Variants in ST6GAL1 observed in about 807,000 individuals in gnomAD.
ST6GAL1 encodes ST6 beta-galactoside alpha-2,6-sialyltransferase 1.
Under a neutral mutation model 38.0 loss-of-function variants are expected in ST6GAL1, and 20 were observed. The ratio of observed to expected loss-of-function variants is 0.53; its 90% CI spans 0.37 to 0.77. The LOEUF (loss-of-function observed/expected upper bound fraction) is 0.77. Among genes scored for constraint, ST6GAL1 ranks in the 30% least tolerant of loss-of-function variants. ST6GAL1 has a pLI of 0.00. For missense variants in ST6GAL1, 432 were observed against 496.4 expected, an observed-to-expected ratio of 0.87 and a Z score of 1.23; for synonymous variants, 196 against 188.2, an observed-to-expected ratio of 1.04 and a Z score of -0.34.
At chr3:187,068,454 C>A (rs1055845381) in intron 5 of ST6GAL1, among the ~76,000 whole-genome samples, 2 of 152,026 alleles carry the variant, frequency 1.3e-5, no homozygotes, top group Admixed American at 1.3e-4. Flanking sequence ...CATTTAGCAT[C>A]TCTATTTCTT....
chr3:186,963,045 T>A (rs1162404907), intron 1 of ST6GAL1, among the ~76,000 whole-genome samples: 1 of 152,214 alleles, frequency 6.6e-6, no homozygotes, highest in Non-Finnish European at 1.5e-5. Context: ...CATTTTGTCT[T>A]TTTCATTTAA....
chr3:186,939,063 G>C (rs944375773), intron 1 of ST6GAL1, among the ~76,000 whole-genome samples: 2 of 131,326 alleles, frequency 1.5e-5, no homozygotes, highest in South Asian at 4.6e-4. Context: ...AAGTCAACCT[G>C]GGACCTTTTT....
At chr3:186,947,750 C>T (rs920119375) in intron 1 of ST6GAL1, among the ~76,000 whole-genome samples, 2 of 152,152 alleles carry the variant, frequency 1.3e-5, no homozygotes, top group Non-Finnish European at 2.9e-5. Flanking sequence ...AATAATTGTG[C>T]CACTGCCTAG....
chr3:186,938,604 G>A (rs2108514027), intron 1 of ST6GAL1, among the ~76,000 whole-genome samples: 1 of 152,262 alleles, frequency 6.6e-6, no homozygotes, highest in Non-Finnish European at 1.5e-5. Context: ...GAGGGAAGCA[G>A]AAAGTTAATT....
intron 5 of ST6GAL1, among the ~76,000 whole-genome samples, chr3:187,066,166 T>A (rs1719115446): frequency 6.6e-6 from 1 of 152,312 alleles, no homozygotes; most frequent in African/African-American, 2.4e-5. Flanking sequence ...ACCCCTGCCA[T>A]ACAGTCTATT....
intron 5 of ST6GAL1, chr3:187,072,182 G>T (rs74566461): frequency 0.02 from 3,027 of 153,022 alleles, 41 homozygotes; most frequent in Non-Finnish European, 0.029. Flanking sequence ...AGCCATTGCT[G>T]GTTCCCTCAG....
Position 187,043,188 on chromosome 3 carries a change from C to G in ST6GAL1, c.485C>G (p.Thr162Ser), listed in dbSNP as rs1718187054. The G allele has an allele frequency of 6.2e-7, 1 of 1,614,090 alleles. No individual in the cohort carries two copies. The highest frequency in any genetic ancestry group is 1.3e-5 in the African/African-American group (1 of 74,926). Residue 162 changes from threonine (T) to serine (S), a missense_variant, in exon 4 of 8, where the codon ACC (threonine) becomes AGC (serine). Thr to Ser is a moderately conservative substitution (Grantham distance 58). Coordinates refer to ENST00000169298, the MANE Select transcript of ST6GAL1 (RefSeq NM_173216.2). ...MVEVTDFPFN[T>S]SEWEGYLPKE... ...GAGGTCACAGATTTTCCCTTCAATACCTCTGAATGGGAGGGTTATCTGCCC... is the reference window on the plus strand; with the variant it reads ...GAGGTCACAGATTTTCCCTTCAATAGCTCTGAATGGGAGGGTTATCTGCCC...
At chr3:186,999,857 T>G (rs2377935) in intron 2 of ST6GAL1, among the ~76,000 whole-genome samples, 1 of 83,862 alleles carries the variant, frequency 1.2e-5, no homozygotes, top group South Asian at 2.8e-4. Context: ...TTATTTATAT[T>G]TTTTTTAGAG....
At chr3:186,987,640 G>T (rs991919812) in intron 2 of ST6GAL1, among the ~76,000 whole-genome samples, 1 of 152,162 alleles carries the variant, frequency 6.6e-6, no homozygotes, top group Non-Finnish European at 1.5e-5. Context: ...TGCTGTTGAA[G>T]GTCCTCAAGA....
At chr3:186,958,005 T>G (rs1284335366) in intron 1 of ST6GAL1, among the ~76,000 whole-genome samples, 1 of 151,406 alleles carries the variant, frequency 6.6e-6, no homozygotes, top group Non-Finnish European at 1.5e-5. Context: ...CCACTTCAGG[T>G]TGAAGGAGGA....
Position 187,043,023 on chromosome 3 carries a change from C to G in ST6GAL1, c.320C>G (p.Pro107Arg). The change falls in exon 4 of 8, where the codon CCT becomes CGT. Residue 107 changes from proline (P) to arginine (R), a missense_variant. Pro to Arg is a moderately radical substitution (Grantham distance 103). Transcript: ENST00000169298. ...NKDSSSKNLIPRLQKIWKNYL... is the reference protein window; with the variant it reads ...NKDSSSKNLIRRLQKIWKNYL... ...GACAGCTCTTCCAAAAACCTTATCC[C>G]TAGGCTGCAAAAGATCTGGAAGAAT... 1 of 1,614,156 alleles carries G rather than the reference C, an allele frequency of 6.2e-7. No individual in the cohort carries two copies. Among genetic ancestry groups the G allele is most frequent in the Non-Finnish European group, 8.5e-7 (1 of 1,180,020 alleles).
In ST6GAL1 at chr3:187,071,776, C is replaced by CAAAAAAAAAAA. The variant is rs11330261; in HGVS notation, c.706-1064_706-1054dup. ...GTCGCCTTTTTTTGAGACTCCGCCT[C>CAAAAAAAAAAA]AAAAAAAAAAAAAAAAAAAGAAAAA... On this transcript the variant is annotated intron_variant, in intron 5 of 7. Coordinates refer to ENST00000169298, the MANE Select transcript of ST6GAL1 (RefSeq NM_173216.2). Among the ~76,000 whole-genome samples, 14 of 72,316 alleles carry CAAAAAAAAAAA rather than the reference C, an allele frequency of 1.9e-4. No individual in the cohort carries two copies. The East Asian group carries it at 3.2e-3, about 17-fold the overall frequency. 47.4% of individuals were successfully genotyped at this position (72,316 alleles called of 152,430 possible). A position where few individuals can be genotyped will look rare whatever the true frequency, so the allele number is the denominator to read the frequency against.
chr3:187,034,939 C>T (rs1717877678), intron 2 of ST6GAL1, among the ~76,000 whole-genome samples: 1 of 152,090 alleles, frequency 6.6e-6, no homozygotes, highest in Admixed American at 6.5e-5. Context: ...AAAAGGCATC[C>T]AAATAGGAAA....
intron 2 of ST6GAL1, among the ~76,000 whole-genome samples, chr3:186,985,377 C>T (rs1374645756): frequency 6.6e-6 from 1 of 151,796 alleles, no homozygotes; most frequent in African/African-American, 2.4e-5. Context: ...CTGTAGTATC[C>T]TATGCACTAA....
chr3:187,058,039 G>T (rs1718775033), intron 5 of ST6GAL1, among the ~76,000 whole-genome samples: 1 of 152,204 alleles, frequency 6.6e-6, no homozygotes. Context: ...TGTCTTGCAG[G>T]TCGATCTCAG....
chr3:187,000,669 T>C (rs1716588299), intron 2 of ST6GAL1, among the ~76,000 whole-genome samples: 1 of 152,254 alleles, frequency 6.6e-6, no homozygotes, highest in Admixed American at 6.5e-5. Context: ...ATCACAATTT[T>C]GCTTGTTCCT....
At chr3:187,010,861 T>C (rs1716932888) in intron 2 of ST6GAL1, among the ~76,000 whole-genome samples, 1 of 152,208 alleles carries the variant, frequency 6.6e-6, no homozygotes, top group Non-Finnish European at 1.5e-5. Flanking sequence ...TAACCATTCA[T>C]CCTTTTAACT....
intron 5 of ST6GAL1, among the ~76,000 whole-genome samples, chr3:187,070,865 C>T (rs991250165): frequency 1.1e-4 from 17 of 152,170 alleles, no homozygotes; most frequent in Admixed American, 6.5e-4. Flanking sequence ...CCTTTGGCTC[C>T]TTAGCACCCA....
At chr3:187,049,375 G>T (rs1184291264) in intron 4 of ST6GAL1, among the ~76,000 whole-genome samples, 1 of 152,162 alleles carries the variant, frequency 6.6e-6, no homozygotes, top group Non-Finnish European at 1.5e-5. Context: ...GAAGGTCTCA[G>T]ATCCTGCCAG....
Sources: allele counts gnomAD v4.1 joint callset (sites outside exome capture counted in the v4.1 genomes callset), GRCh38; gene constraint gnomAD v4.1.1; transcripts MANE v1.5; gene names NCBI Gene and HGNC (gene_info 2026-07-23, HGNC 2026-07-21).